The following KLHDC4 variants were observed in gnomAD, a reference collection of about 807,000 sequenced individuals.
KLHDC4 encodes the protein kelch domain containing 4, also known as kelch domain-containing protein 4.
Under a neutral mutation model 62.4 loss-of-function variants are expected in KLHDC4, and 90 were observed. The observed-to-expected ratio is 1.44, with a 90% CI of 1.22 to 1.72. KLHDC4 has a LOEUF of 1.72. KLHDC4 is among the 40% of genes most tolerant of loss of function. The probability of loss-of-function intolerance (pLI) is 0.00; values close to 1 mark genes in which losing one functional copy is unlikely to be tolerated. For missense variants in KLHDC4, 1,025 were observed against 699.7 expected, an observed-to-expected ratio of 1.47 and a Z score of -5.25; for synonymous variants, 386 against 284.4, an observed-to-expected ratio of 1.36 and a Z score of -3.59.
At chr16:87,743,722 A>AT (rs1491341531) in intron 5 of KLHDC4, among the ~76,000 whole-genome samples, 1 of 152,048 alleles carries the variant, frequency 6.6e-6, no homozygotes, top group Non-Finnish European at 1.5e-5. Flanking sequence ...CCTGGGAGAC[A>AT]GAGCGCGACA....
intron 2 of KLHDC4, among the ~76,000 whole-genome samples, chr16:87,758,108 T>A (rs940463046): frequency 6.6e-5 from 10 of 152,178 alleles, no homozygotes; most frequent in Non-Finnish European, 1.3e-4. Flanking sequence ...ATCTGAGAAC[T>A]CTATTTTCTA....
intron 4 of KLHDC4, among the ~76,000 whole-genome samples, chr16:87,752,705 G>A (rs12935478): frequency 0.26 from 39,196 of 151,960 alleles, 5,424 homozygotes; most frequent in South Asian, 0.45. Context: ...CCGACCCAGA[G>A]GACCACCCAA....
chr16:87,706,567 C>A (rs1337791623), downstream of KLHDC4, among the ~76,000 whole-genome samples: 1 of 152,212 alleles, frequency 6.6e-6, no homozygotes, highest in African/African-American at 2.4e-5. Flanking sequence ...AGGGAAGAGG[C>A]AGTGCCCAGA....
Position 87,765,857 on chromosome 16 carries a change from G to A in KLHDC4, c.34C>T (p.Arg12Cys), listed in dbSNP as rs780214580. The part of the protein sequence containing the change: ...GKKGKKEKKG[R>C]GAEKTAAKME... ...TTGGCGGCCGTCTTCTCCGCGCCGC[G>A]GCCCTTCTTCTCCTTCTTGCCCTTC... The change falls in exon 1 of 12, where the codon CGC (arginine) becomes TGC (cysteine). Residue 12 changes from arginine to cysteine, a missense_variant. Transcript: ENST00000270583. 1 of 1,553,438 alleles carries A rather than the reference G, an allele frequency of 6.4e-7. No homozygotes were observed. Among genetic ancestry groups the A allele is most frequent in the Non-Finnish European group, 8.7e-7 (1 of 1,147,836 alleles).
intron 8 of KLHDC4, 105 bp from the exon 9 acceptor site, chr16:87,711,548 T>C: frequency 1.1e-6 from 1 of 934,342 alleles, no homozygotes; most frequent in Non-Finnish European, 1.6e-6. Context: ...ATGGGGTAAA[T>C]GAAAACCGTG....
chr16:87,738,414 T>C (rs1196543955), intron 5 of KLHDC4, among the ~76,000 whole-genome samples: 1 of 151,946 alleles, frequency 6.6e-6, no homozygotes, highest in Non-Finnish European at 1.5e-5. Flanking sequence ...GTACCGATCA[T>C]CTCCCAAGTG....
chr16:87,765,310 G>C (rs1281174408), intron 1 of KLHDC4: 1 of 456,236 alleles, frequency 2.2e-6, no homozygotes, highest in Non-Finnish European at 4.4e-6. Context: ...GCTGCTCACT[G>C]CTCAGGGCTG....
intron 5 of KLHDC4, among the ~76,000 whole-genome samples, chr16:87,742,453 AAGC>A (rs1597255297): frequency 3.3e-5 from 5 of 152,240 alleles, no homozygotes; most frequent in Admixed American, 3.3e-4. Context: ...TACTTCTTTT[AAGC>A]AGCAACTAAA....
chr16:87,748,358 G>A (rs2043358372), intron 5 of KLHDC4, among the ~76,000 whole-genome samples: 1 of 152,182 alleles, frequency 6.6e-6, no homozygotes, highest in African/African-American at 2.4e-5. Context: ...GGCACCCAGA[G>A]CTGCCTCCAA....
intron 5 of KLHDC4, among the ~76,000 whole-genome samples, chr16:87,748,086 T>G (rs923321774): frequency 2.0e-5 from 3 of 152,234 alleles, no homozygotes; most frequent in Admixed American, 2.0e-4. Context: ...ACATGCCATC[T>G]GGCTCTCTAC....
intron 5 of KLHDC4, among the ~76,000 whole-genome samples, chr16:87,738,128 T>C (rs1236836739): frequency 5.3e-5 from 8 of 152,118 alleles, no homozygotes; most frequent in African/African-American, 1.7e-4. Flanking sequence ...GGTGTGTCCA[T>C]TCCTATGGTG....
At position 87,742,028 on chromosome 16, in the gene KLHDC4, C is replaced by T. The variant is rs569110634; in HGVS notation, c.506+6645G>A. Reference sequence around the variant, plus strand: ...CACGAGGCCTGACACAGCAATCTTCCCCAGAAAGGGCAAAAACCGTCTTTG... The same window carrying T: ...CACGAGGCCTGACACAGCAATCTTCTCCAGAAAGGGCAAAAACCGTCTTTG... On this transcript the variant is annotated intron_variant, in intron 5 of 11. Transcript: ENST00000270583. 3.3e-5 allele frequency among the ~76,000 whole-genome samples: 5 copies of T among 152,326 alleles called. No homozygotes were observed. In the South Asian group the frequency reaches 1.0e-3, roughly 32 times the overall value.
chr16:87,730,610 G>A lies in KLHDC4; in HGVS notation c.541C>T (p.Arg181Trp), dbSNP rs137987853. 3.1e-5 allele frequency: 50 copies of A among 1,613,200 alleles called. No individual in the cohort carries two copies. The highest frequency in any genetic ancestry group is 3.9e-5 in the Non-Finnish European group (46 of 1,179,870). Residue 181 changes from arginine (R) to tryptophan (W), a missense_variant, in exon 6 of 12, where the codon CGG (arginine) becomes TGG (tryptophan). Transcript: ENST00000270583. ...TGGPSGRSGH[R>W]MVAWKRQLIL... ...AATTGTCTCTTCCAGGCCACCATCCGATGTCCACTCCGACCCGAAGGACCG... is the reference window on the plus strand; with the variant it reads ...AATTGTCTCTTCCAGGCCACCATCCAATGTCCACTCCGACCCGAAGGACCG...
At chr16:87,720,639 C>T (rs2038100957) in intron 7 of KLHDC4, among the ~76,000 whole-genome samples, 1 of 152,254 alleles carries the variant, frequency 6.6e-6, no homozygotes, top group Non-Finnish European at 1.5e-5. Context: ...GAGAGGACCC[C>T]CGCCCAACCA....
intron 4 of KLHDC4, among the ~76,000 whole-genome samples, chr16:87,751,358 C>T (rs2043899030): frequency 6.6e-6 from 1 of 151,960 alleles, no homozygotes; most frequent in Non-Finnish European, 1.5e-5. Flanking sequence ...CCTGTAAACC[C>T]AGCTACTTGG....
At chr16:87,761,274 C>T (rs540110188) in intron 2 of KLHDC4, among the ~76,000 whole-genome samples, 215 of 152,264 alleles carry the variant, frequency 1.4e-3, no homozygotes, top group Admixed American at 2.9e-3. Flanking sequence ...GGGTGGGACT[C>T]GGGCACCAGA....
chr16:87,753,124 C>T lies in KLHDC4; in HGVS notation c.369+2070G>A, dbSNP rs2044285965. On this transcript the variant is annotated intron_variant, in intron 4 of 11. Transcript: ENST00000270583. ...CTGGAGTTCAGGGACGCAGAGGCAG[C>T]TAAAAGTGGCAGGGCAGAGCACTGG... Among the ~76,000 whole-genome samples the T allele has an allele frequency of 4.6e-5, 7 of 152,162 alleles. No individual in the cohort carries two copies. The South Asian group carries it at 1.4e-3, about 32-fold the overall frequency.
intron 7 of KLHDC4, among the ~76,000 whole-genome samples, chr16:87,722,441 T>G (rs6540074): frequency 0.55 from 82,843 of 151,860 alleles, 22,801 homozygotes; most frequent in Middle Eastern, 0.64. Flanking sequence ...AGCACTACTG[T>G]CCACTTCATG....
At chr16:87,713,625 C>T (rs972008613) in intron 8 of KLHDC4, among the ~76,000 whole-genome samples, 8 of 152,050 alleles carry the variant, frequency 5.3e-5, no homozygotes, top group African/African-American at 1.7e-4. Context: ...TGAGAACTGA[C>T]GGGCAGCCAC....
Sources: allele counts gnomAD v4.1 joint callset (sites outside exome capture counted in the v4.1 genomes callset), GRCh38; gene constraint gnomAD v4.1.1; transcripts MANE v1.5; gene names NCBI Gene and HGNC (gene_info 2026-07-23, HGNC 2026-07-21).